The following AMY2B variants were observed in gnomAD, a reference collection of about 807,000 sequenced individuals.
AMY2B encodes the protein alpha-amylase 2B.
In AMY2B, 63 loss-of-function variants were observed where a neutral mutation model predicts 59.3. That is an observed-to-expected ratio of 1.06 (90% CI 0.87 to 1.31). The LOEUF (loss-of-function observed/expected upper bound fraction) is 1.31, where lower values mean the gene tolerates loss of function less well. Ranked by LOEUF, AMY2B falls within the 50% of genes most tolerant of loss-of-function variation. The pLI is 0.00. For synonymous variants in AMY2B, 180 were observed against 198.1 expected (o/e 0.91, Z 0.77); for missense variants, 635 against 626.7 (o/e 1.01, Z -0.14).
intron 4 of AMY2B, 133 bp from the exon 5 acceptor site, chr1:103,574,127 G>A: frequency 6.8e-7 from 1 of 1,477,688 alleles, no homozygotes; most frequent in South Asian, 1.4e-5. Flanking sequence ...AAGACAAAAA[G>A]AAATAATAAA....
At chr1:103,575,060 G>GTA (rs59615316) in intron 5 of AMY2B, among the ~76,000 whole-genome samples, 163 bp from the exon 6 acceptor site, 2,655 of 143,548 alleles carry the variant, frequency 0.018, 28 homozygotes, top group South Asian at 0.036. Context: ...GTGTGTGTAT[G>GTA]TATATATATA....
intron 1 of AMY2B, among the ~76,000 whole-genome samples, chr1:103,562,487 T>C (rs557463280): frequency 6.6e-6 from 1 of 152,256 alleles, no homozygotes; most frequent in East Asian, 1.9e-4. Flanking sequence ...GTACCTAATT[T>C]ATTGCAAAAC....
chr1:103,571,974 A>G lies in AMY2B; in HGVS notation c.169-136A>G, dbSNP rs543808599. 6.1e-5 allele frequency: 94 copies of G among 1,543,940 alleles called. No homozygotes were observed. The East Asian group carries it at 6.9e-4, about 11-fold the overall frequency. On this transcript the variant is annotated intron_variant, in intron 1 of 9. Transcript: ENST00000684275. ...AATCTTTCTTCAACAAGAGCCCTCC[A>G]ATGTGCTGTTAATATTTTCAAGAGA... is the stretch of plus-strand genomic sequence containing the variant.
chr1:103,559,102 T>C (rs1651654302), intron 1 of AMY2B, among the ~76,000 whole-genome samples: 1 of 152,170 alleles, frequency 6.6e-6, no homozygotes, highest in Non-Finnish European at 1.5e-5. Flanking sequence ...TCCTCATGGA[T>C]ATGGAGGGAC....
intron 1 of AMY2B, among the ~76,000 whole-genome samples, chr1:103,564,011 G>A (rs1435053191): frequency 1.3e-5 from 2 of 152,190 alleles, no homozygotes; most frequent in South Asian, 2.1e-4. Flanking sequence ...TTAGTAGAGC[G>A]AAGGCGGAAA....
chr1:103,564,815 A>G (rs532741228), intron 1 of AMY2B, among the ~76,000 whole-genome samples: 62 of 151,942 alleles, frequency 4.1e-4, no homozygotes, highest in Non-Finnish European at 8.1e-4. Flanking sequence ...AATTGTTTTT[A>G]TATACCCATT....
chr1:103,570,541 C>A (rs916333213), upstream of AMY2B: 8 of 607,044 alleles, frequency 1.3e-5, no homozygotes, highest in South Asian at 1.1e-4. Flanking sequence ...ATGATCGCAT[C>A]CCCAGAGCAC....
Position 103,577,831 on chromosome 1 carries a change from C to T in AMY2B, c.1332C>T (p.Phe444=), listed in dbSNP as rs772865879. ...GAGGAAACAGAGGATTCATTGTTTT[C>T]AACAATGATGACTGGTAAGTACATA... The part of the protein sequence containing the change: ...FGRGNRGFIV[F]NNDDWTFSLT... Residue 444 remains phenylalanine, a synonymous_variant, in exon 9 of 10, where the codon TTC becomes TTT. Coordinates refer to ENST00000684275, the MANE Select transcript of AMY2B (RefSeq NM_001387437.1). 5.6e-6 allele frequency: 9 copies of T among 1,603,106 alleles called. No individual in the cohort carries two copies. Among genetic ancestry groups the T allele is most frequent in the Non-Finnish European group, 6.8e-6 (8 of 1,179,714 alleles).
At chr1:103,578,280 G>T (rs1466610935) in intron 9 of AMY2B, among the ~76,000 whole-genome samples, 1 of 152,070 alleles carries the variant, frequency 6.6e-6, no homozygotes, top group Admixed American at 6.6e-5. Context: ...GCTCTATGTA[G>T]TTTTTTGGTA....
chr1:103,579,317 T>A lies in AMY2B; in HGVS notation c.1353T>A (p.Phe451Leu). ...CTGAAATTTTATTTTACAGGACATT[T>A]TCTTTAACTTTGCAAACTGGTCTTC... ...FIVFNNDDWT[F>L]SLTLQTGLPA... Residue 451 changes from phenylalanine (F) to leucine (L), a missense_variant, in exon 10 of 10, where the codon TTT becomes TTA. Phe to Leu is a conservative substitution (Grantham distance 22). Coordinates refer to ENST00000684275, the MANE Select transcript of AMY2B (RefSeq NM_001387437.1). 6.2e-7 allele frequency: 1 copy of A among 1,611,704 alleles called. No homozygotes were observed. The highest frequency in any genetic ancestry group is 8.5e-7 in the Non-Finnish European group (1 of 1,179,670).
intron 4 of AMY2B, 72 bp downstream of exon 4, chr1:103,574,010 A>G: frequency 6.2e-7 from 1 of 1,610,338 alleles, no homozygotes; most frequent in South Asian, 1.1e-5. Flanking sequence ...TTAATTAAAA[A>G]TGCAATTTCT....
chr1:103,567,737 T>TGTTCTACAAG (rs1553195784), upstream of AMY2B, among the ~76,000 whole-genome samples: 1 of 152,216 alleles, frequency 6.6e-6, no homozygotes, highest in Non-Finnish European at 1.5e-5. Flanking sequence ...TCTTTCTTCA[T>TGTTCTACAAG]GTTCTACAAG....
rs763309646 is a variant in AMY2B at position 103,577,729 on chromosome 1, T to G, written c.1230T>G (p.Val410=). The part of the protein sequence containing the change: ...EHRWRQIRNM[V]NFRNVVDGQP... ...GGTATTGTGTTTTTAGGAACATGGTTAATTTCCGCAATGTAGTGGATGGCC... is the reference window on the plus strand; with the variant it reads ...GGTATTGTGTTTTTAGGAACATGGTGAATTTCCGCAATGTAGTGGATGGCC... Residue 410 remains valine, a synonymous_variant, in exon 9 of 10, where the codon GTT becomes GTG. Transcript: ENST00000684275. 4.6e-5 allele frequency: 74 copies of G among 1,611,428 alleles called. No homozygotes were observed. The highest frequency in any genetic ancestry group is 6.0e-5 in the Non-Finnish European group (71 of 1,179,796).
chr1:103,557,735 T>G (rs1209942689), intron 1 of AMY2B, among the ~76,000 whole-genome samples: 1 of 152,166 alleles, frequency 6.6e-6, no homozygotes, highest in African/African-American at 2.4e-5. Flanking sequence ...ACCGTGATCT[T>G]TGAATATCCA....
intron 1 of AMY2B, among the ~76,000 whole-genome samples, chr1:103,555,585 C>G (rs1297488088): frequency 6.6e-6 from 1 of 152,112 alleles, no homozygotes; most frequent in African/African-American, 2.4e-5. Context: ...AAATATTTCC[C>G]ACATAAAATT....
At position 103,555,644 on chromosome 1, in the gene AMY2B, A is replaced by G. The variant is rs367866771; in HGVS notation, c.-207+535A>G. On this transcript the variant is annotated intron_variant, in intron 1 of 11. Coordinates refer to the AMY2B transcript ENST00000361355. ...GTTTCAGCTGTATATACGTAGGAAAACATTCTTTTTTGTCAACTTGACGTT... is the reference window on the plus strand; with the variant it reads ...GTTTCAGCTGTATATACGTAGGAAAGCATTCTTTTTTGTCAACTTGACGTT... Among the ~76,000 whole-genome samples, 28 of 152,274 alleles carry G rather than the reference A, an allele frequency of 1.8e-4. No individual in the cohort carries two copies. In the East Asian group the frequency reaches 3.1e-3, roughly 17 times the overall value.
intron 7 of AMY2B, chr1:103,575,828 T>C (rs1023050089): frequency 9.2e-6 from 3 of 327,058 alleles, no homozygotes; most frequent in African/African-American, 2.2e-5. Flanking sequence ...GATTAAAATA[T>C]ATACTTCGAA....
At chr1:103,570,031 C>T (rs1652058254), upstream of AMY2B, 1 of 435,678 alleles carries the variant, frequency 2.3e-6, no homozygotes, top group South Asian at 1.9e-5. Flanking sequence ...TGGGGTCACC[C>T]ACATGGTGCC....
chr1:103,559,719 T>A (rs190595733), intron 1 of AMY2B, among the ~76,000 whole-genome samples: 4 of 152,274 alleles, frequency 2.6e-5, no homozygotes, highest in Admixed American at 2.0e-4. Context: ...TGTGAAATGA[T>A]GTTCAGTCTT....
Sources: allele counts gnomAD v4.1 joint callset (sites outside exome capture counted in the v4.1 genomes callset), GRCh38; gene constraint gnomAD v4.1.1; transcripts MANE v1.5; gene names NCBI Gene and HGNC (gene_info 2026-07-23, HGNC 2026-07-21).